The following FBXW4 variants were observed in gnomAD, a reference collection of about 807,000 sequenced individuals.
FBXW4 encodes the protein F-box and WD repeat domain containing 4.
A neutral mutation model predicts 61.8 loss-of-function variants in FBXW4; 40 were observed. That is an observed-to-expected ratio of 0.65 (90% CI 0.50 to 0.84). The LOEUF is 0.84. Ranked by LOEUF, FBXW4 falls within the 40% of genes least tolerant of loss-of-function variation. FBXW4 has a pLI of 0.00. For synonymous variants in FBXW4, 311 were observed against 313.8 expected (o/e 0.99, Z 0.10); for missense variants, 672 against 753.8 (o/e 0.89, Z 1.27).
rs553285856 is a variant in FBXW4, at chr10:101,637,347, G to A, written c.1236-12537C>T. 4.5e-3 allele frequency among the ~76,000 whole-genome samples: 592 copies of A among 132,402 alleles called. 4 individuals carry two copies. The highest frequency in any genetic ancestry group is 0.016 in the Middle Eastern group (3 of 190). The allele number at this position is 132,402 out of a possible 152,430, so 86.9% of individuals were successfully genotyped here. A position where few individuals can be genotyped will look rare whatever the true frequency, so the allele number is the denominator to read the frequency against. ...GCGGAGCTTGCAGTGAGCCGAGATC[G>A]TGCCACTGCACTCCAGCCTGGGCGA... is the stretch of plus-strand genomic sequence containing the variant. On this transcript the variant is annotated intron_variant, in intron 5 of 8. Coordinates refer to ENST00000331272, the MANE Select transcript of FBXW4 (RefSeq NM_022039.4).
At chr10:101,633,943 T>A (rs1336539826) in intron 5 of FBXW4, among the ~76,000 whole-genome samples, 1 of 151,716 alleles carries the variant, frequency 6.6e-6, no homozygotes, top group African/African-American at 2.4e-5. Context: ...CTGTCTCTAC[T>A]AAAAAATATA....
intron 1 of FBXW4, among the ~76,000 whole-genome samples, chr10:101,689,368 C>T (rs1444044086): frequency 1.3e-5 from 2 of 152,200 alleles, no homozygotes; most frequent in Non-Finnish European, 2.9e-5. Context: ...TCCATTCTTC[C>T]AGTTCGCATT....
intron 5 of FBXW4, among the ~76,000 whole-genome samples, chr10:101,644,385 C>CAGTAGGCCAAAT (rs2064079044): frequency 6.6e-6 from 1 of 152,216 alleles, no homozygotes; most frequent in Admixed American, 6.5e-5. Flanking sequence ...ATCTTCCAAA[C>CAGTAGGCCAAAT]AGGGTCAGTA....
intron 5 of FBXW4, among the ~76,000 whole-genome samples, chr10:101,635,985 C>T (rs1394074853): frequency 6.6e-6 from 1 of 152,058 alleles, no homozygotes; most frequent in East Asian, 1.9e-4. Context: ...TGAGTGAAAA[C>T]TTGAACAAGT....
chr10:101,675,199 A>G (rs1338962714), intron 2 of FBXW4, among the ~76,000 whole-genome samples: 1 of 152,162 alleles, frequency 6.6e-6, no homozygotes, highest in Non-Finnish European at 1.5e-5. Flanking sequence ...GTGTGTACAG[A>G]TGCCTGCTCT....
Position 101,612,427 on chromosome 10 carries a change from A to ACC in FBXW4, c.1350_1351dup (p.Val451GlyfsTer83). On this transcript the variant is annotated frameshift_variant, in exon 7 of 9. Coordinates refer to ENST00000331272, the MANE Select transcript of FBXW4 (RefSeq NM_022039.4). LOFTEE classifies it high-confidence loss of function. ...AGGGGACTCATACATGACATCCAGC[A>ACC]CCCCAGCCCCTGGGGGAAAGTCACT... is the stretch of plus-strand genomic sequence containing the variant. 6.3e-7 allele frequency: 1 copy of ACC among 1,595,984 alleles called. No individual in the cohort carries two copies. The highest frequency in any genetic ancestry group is 1.7e-4 in the Middle Eastern group (1 of 6,028).
At chr10:101,669,624 C>T (rs917109686) in intron 4 of FBXW4, among the ~76,000 whole-genome samples, 28 of 152,216 alleles carry the variant, frequency 1.8e-4, no homozygotes, top group African/African-American at 6.8e-4. Context: ...AGCAGCACAT[C>T]ACCCTCCAGA....
chr10:101,645,318 GAT>G (rs2064087478), intron 5 of FBXW4, among the ~76,000 whole-genome samples: 1 of 152,202 alleles, frequency 6.6e-6, no homozygotes, highest in Admixed American at 6.5e-5. Flanking sequence ...AGGCCTACAA[GAT>G]GAGAGGCCCA....
chr10:101,655,923 A>G (rs1302869077), intron 5 of FBXW4, among the ~76,000 whole-genome samples: 1 of 152,210 alleles, frequency 6.6e-6, no homozygotes, highest in Non-Finnish European at 1.5e-5. Flanking sequence ...GAATCAAGCT[A>G]ATTTCTCTTT....
At chr10:101,634,037 T>C (rs1319710895) in intron 5 of FBXW4, among the ~76,000 whole-genome samples, 1 of 151,928 alleles carries the variant, frequency 6.6e-6, no homozygotes, top group Admixed American at 6.6e-5. Context: ...CACTTGAAAC[T>C]GGGAGAGGGA....
chr10:101,611,075 C>T lies in FBXW4; in HGVS notation c.*216G>A, dbSNP rs1320226560. 1.1e-5 allele frequency: 6 copies of T among 543,098 alleles called. No individual in the cohort carries two copies. The African/African-American group carries it at 1.1e-4, about 10-fold the overall frequency. The allele number at this position is 543,098 out of a possible 1,614,324, so 33.6% of individuals were successfully genotyped here. The stretch of plus-strand genomic sequence containing the variant: ...CAGCCGCACTCTAAAGCAGCAGGTC[C>T]TGCCTCTCCAACAGGTTCCTGGGAG... On this transcript the variant is annotated 3_prime_UTR_variant, in exon 9 of 9. Transcript: ENST00000331272. The surrounding 1 kb of genome is among the most constrained non-coding windows in gnomAD (Gnocchi z 4.9).
intron 5 of FBXW4, among the ~76,000 whole-genome samples, chr10:101,642,057 T>C (rs2064058124): frequency 6.6e-6 from 1 of 152,110 alleles, no homozygotes; most frequent in East Asian, 1.9e-4. Context: ...TCTCAACTGC[T>C]TGGGAGGCTG....
intron 5 of FBXW4, among the ~76,000 whole-genome samples, chr10:101,640,839 C>T: frequency 6.9e-6 from 1 of 145,392 alleles, no homozygotes; most frequent in Non-Finnish European, 1.5e-5. Context: ...CCCCCACCCC[C>T]GCCTTTTTTG....
intron 5 of FBXW4, among the ~76,000 whole-genome samples, chr10:101,661,277 T>C (rs2064241638): frequency 6.6e-6 from 1 of 151,916 alleles, no homozygotes; most frequent in Non-Finnish European, 1.5e-5. Flanking sequence ...GCTCGGAGAG[T>C]GCTGGTCTCA....
At position 101,673,549 on chromosome 10, in the gene FBXW4, C is replaced by T. The variant is rs756549857; in HGVS notation, c.946G>A (p.Gly316Arg). 1.9e-6 allele frequency: 3 copies of T among 1,613,982 alleles called. No individual in the cohort carries two copies. The highest frequency in any genetic ancestry group is 2.2e-5 in the South Asian group (2 of 91,078). Residue 316 changes from glycine (G) to arginine (R), a missense_variant, in exon 3 of 9, where the codon GGG becomes AGG. Around this residue, in one of 5 missense-constraint regions of FBXW4, gnomAD observed 312 missense variants for 370.1 expected, o/e 0.84. Coordinates refer to ENST00000331272, the MANE Select transcript of FBXW4 (RefSeq NM_022039.4). Reference protein sequence around the residue: ...LNRRPLGVFAGHDEDVCHFVL... With the variant: ...LNRRPLGVFARHDEDVCHFVL... ...AAGTGGCAAACGTCCTCATCATGCC[C>T]AGCAAAGACTCCCAGAGGCCGACGA...
intron 5 of FBXW4, among the ~76,000 whole-genome samples, chr10:101,647,324 T>G (rs1401085794): frequency 2.0e-5 from 3 of 152,168 alleles, no homozygotes; most frequent in African/African-American, 7.2e-5. Context: ...GTACCTTCCT[T>G]GGGTGACTAC....
intron 5 of FBXW4, among the ~76,000 whole-genome samples, chr10:101,661,566 T>A (rs2064245042): frequency 6.6e-6 from 1 of 152,132 alleles, no homozygotes; most frequent in South Asian, 2.1e-4. Context: ...TGGGCCCACC[T>A]AGAATTACCT....
chr10:101,612,753 A>C, intron 6 of FBXW4, among the ~76,000 whole-genome samples: 1 of 129,428 alleles, frequency 7.7e-6, no homozygotes. Flanking sequence ...CCACCCAGCC[A>C]CTCCTCCTCA....
intron 1 of FBXW4, among the ~76,000 whole-genome samples, chr10:101,681,388 CAAAAAAAA>C (rs769305940): frequency 8.2e-5 from 11 of 134,138 alleles, no homozygotes; most frequent in South Asian, 2.4e-4. Flanking sequence ...AACTCCGTCT[CAAAAAAAA>C]AAAATAATAA....
Sources: gnomAD v4.1 joint callset for allele counts (sites outside exome capture counted in the v4.1 genomes callset) on GRCh38, gnomAD v4.1.1 for gene constraint, gnomAD v4.1.1 regional missense constraint, Gnocchi (gnomAD v3.1) non-coding constraint, MANE v1.5 for transcripts, NCBI Gene and HGNC (gene_info 2026-07-23, HGNC 2026-07-21) for gene names.